ME3: variants seen among roughly 807,000 people sequenced by gnomAD.
ME3 encodes malic enzyme 3, also known as NADP-dependent malic enzyme, mitochondrial.
Under a neutral mutation model 68.9 loss-of-function variants are expected in ME3, and 48 were observed. The observed-to-expected ratio is 0.70, with a 90% CI of 0.55 to 0.89. The LOEUF (loss-of-function observed/expected upper bound fraction) is 0.89. Ranked by LOEUF, ME3 falls within the 40% of genes least tolerant of loss-of-function variation. ME3 has a pLI of 0.00. For synonymous variants in ME3, 320 were observed against 318.8 expected (o/e 1.00, Z -0.04); for missense variants, 675 against 797.4 (o/e 0.85, Z 1.85).
At chr11:86,627,601 A>G (rs773085269) in intron 2 of ME3, among the ~76,000 whole-genome samples, 1 of 152,240 alleles carries the variant, frequency 6.6e-6, no homozygotes, top group African/African-American at 2.4e-5. Flanking sequence ...TACACAACCA[A>G]TTGGCAAGCA....
chr11:86,635,655 G>C (rs886256137), intron 2 of ME3, among the ~76,000 whole-genome samples: 4 of 152,206 alleles, frequency 2.6e-5, no homozygotes, highest in African/African-American at 9.7e-5. Context: ...TTTATTTCCT[G>C]TCTCTGTCTT....
At chr11:86,463,452 C>T (rs1214583442) in intron 8 of ME3, among the ~76,000 whole-genome samples, 2 of 152,218 alleles carry the variant, frequency 1.3e-5, no homozygotes, top group African/African-American at 4.8e-5. Context: ...GAGAATGCTT[C>T]CCCCCACCAG....
chr11:86,571,056 G>GC (rs1339031432), intron 2 of ME3, among the ~76,000 whole-genome samples: 1 of 152,184 alleles, frequency 6.6e-6, no homozygotes, highest in African/African-American at 2.4e-5. Context: ...AAAAGGCTGT[G>GC]CCTATTACAG....
chr11:86,537,529 TG>T (rs1347490585), intron 4 of ME3, among the ~76,000 whole-genome samples: 2 of 152,250 alleles, frequency 1.3e-5, no homozygotes, highest in African/African-American at 4.8e-5. Flanking sequence ...TTTTTCCCCT[TG>T]GCCTTGATTT....
intron 4 of ME3, among the ~76,000 whole-genome samples, chr11:86,555,866 T>G (rs1357519187): frequency 1.3e-5 from 2 of 152,226 alleles, no homozygotes; most frequent in Non-Finnish European, 2.9e-5. Context: ...ACTAGAACAA[T>G]GTTCCATTAC....
At chr11:86,535,260 A>G (rs1377833773) in intron 4 of ME3, among the ~76,000 whole-genome samples, 1 of 152,134 alleles carries the variant, frequency 6.6e-6, no homozygotes, top group African/African-American at 2.4e-5. Flanking sequence ...CCCTACCTTC[A>G]TCTGTTCTTC....
chr11:86,493,798 G>C (rs1039996144), intron 6 of ME3, among the ~76,000 whole-genome samples: 1 of 152,192 alleles, frequency 6.6e-6, no homozygotes, highest in Non-Finnish European at 1.5e-5. Context: ...CCTTCAACAG[G>C]AAACCTGGAG....
chr11:86,512,128 G>C (rs190418288), intron 4 of ME3, among the ~76,000 whole-genome samples: 1 of 152,104 alleles, frequency 6.6e-6, no homozygotes, highest in Admixed American at 6.6e-5. Flanking sequence ...CATGGTCTTC[G>C]TGAATTGCTT....
chr11:86,561,866 A>G (rs969698758), intron 2 of ME3, among the ~76,000 whole-genome samples: 1 of 152,186 alleles, frequency 6.6e-6, no homozygotes, highest in African/African-American at 2.4e-5. Context: ...CTGTAATACA[A>G]TTAGATTCTC....
At chr11:86,530,268 A>G (rs1197930815) in intron 4 of ME3, among the ~76,000 whole-genome samples, 1 of 152,228 alleles carries the variant, frequency 6.6e-6, no homozygotes, top group Non-Finnish European at 1.5e-5. Context: ...AGAGAATAAA[A>G]TACCTAGGAA....
chr11:86,447,612 G>T (rs1230651871), intron 11 of ME3, among the ~76,000 whole-genome samples: 1 of 152,034 alleles, frequency 6.6e-6, no homozygotes. Flanking sequence ...TTGGGAGGCT[G>T]GGGGGCAGTG....
chr11:86,647,878 G>C (rs2135415019), intron 2 of ME3, among the ~76,000 whole-genome samples: 1 of 152,228 alleles, frequency 6.6e-6, no homozygotes, highest in South Asian at 2.1e-4. Context: ...GATATTTCAG[G>C]ACTTGAACTC....
At chr11:86,600,519 C>T (rs1490972753) in intron 2 of ME3, among the ~76,000 whole-genome samples, 1 of 149,612 alleles carries the variant, frequency 6.7e-6, no homozygotes, top group Admixed American at 6.8e-5. Flanking sequence ...TTTAACACCC[C>T]ACTGTCAACA....
chr11:86,541,670 C>T (rs938079791), intron 4 of ME3, among the ~76,000 whole-genome samples: 1 of 152,188 alleles, frequency 6.6e-6, no homozygotes, highest in Non-Finnish European at 1.5e-5. Flanking sequence ...GATAAAACTC[C>T]CATCTCCCTG....
chr11:86,443,015 T>C, intron 13 of ME3, 96 bp from the exon 14 acceptor site: 1 of 924,618 alleles, frequency 1.1e-6, no homozygotes, highest in East Asian at 2.5e-5. Context: ...CCACCCTGCA[T>C]AGTTGGTCAA....
At chr11:86,494,199 C>A (rs997069964) in intron 6 of ME3, among the ~76,000 whole-genome samples, 2 of 152,180 alleles carry the variant, frequency 1.3e-5, no homozygotes, top group African/African-American at 4.8e-5. Context: ...AGGGGGCCCA[C>A]CATTCCCTGG....
intron 2 of ME3, among the ~76,000 whole-genome samples, chr11:86,667,291 G>A (rs1052498756): frequency 2.6e-5 from 4 of 152,042 alleles, no homozygotes; most frequent in African/African-American, 9.7e-5. Context: ...GGAATTTCGT[G>A]GCAAAAAAAA....
At chr11:86,602,323 G>A (rs541315269) in intron 2 of ME3, among the ~76,000 whole-genome samples, 6 of 150,482 alleles carry the variant, frequency 4.0e-5, no homozygotes, top group Non-Finnish European at 8.9e-5. Context: ...GACAAACAGA[G>A]AGCCAAATCG....
intron 4 of ME3, among the ~76,000 whole-genome samples, chr11:86,517,579 C>T (rs1953977281): frequency 1.3e-5 from 2 of 152,112 alleles, no homozygotes. Flanking sequence ...GTGAGGGAAC[C>T]CCCTTTTTGA....
Sources: allele counts gnomAD v4.1 joint callset (sites outside exome capture counted in the v4.1 genomes callset), GRCh38; gene constraint gnomAD v4.1.1; transcripts MANE v1.5; gene names NCBI Gene and HGNC (gene_info 2026-07-23, HGNC 2026-07-21).